Variants in NUP88 observed in about 807,000 individuals in gnomAD.
The protein encoded by NUP88 is nucleoporin 88, also known as nuclear pore complex protein Nup88.
A neutral mutation model predicts 93.9 loss-of-function variants in NUP88; 57 were observed. The observed-to-expected ratio is 0.61, with a 90% confidence interval of 0.49 to 0.76. NUP88 has a LOEUF of 0.76. Ranked by LOEUF, NUP88 falls within the 30% of genes least tolerant of loss-of-function variation. The pLI, the probability that NUP88 is intolerant of heterozygous loss-of-function variation, is 0.00. For synonymous variants in NUP88, 346 were observed against 336.8 expected (o/e 1.03, Z -0.30); for missense variants, 911 against 901.0 (o/e 1.01, Z -0.14).
At chr17:5,413,408 G>A (rs1014886102) in intron 3 of NUP88, among the ~76,000 whole-genome samples, 2 of 152,214 alleles carry the variant, frequency 1.3e-5, no homozygotes, top group Non-Finnish European at 2.9e-5. Context: ...GTTAAAAGCA[G>A]TGATTACGAA....
chr17:5,416,729 T>G, intron 1 of NUP88, 47 bp from the exon 2 acceptor site: 1 of 1,460,424 alleles, frequency 6.8e-7, no homozygotes, highest in Non-Finnish European at 9.3e-7. Flanking sequence ...TTAATTTAAA[T>G]ATAGGTGGCA....
At chr17:5,397,947 G>T (rs376637763) in intron 8 of NUP88, among the ~76,000 whole-genome samples, 1 of 146,652 alleles carries the variant, frequency 6.8e-6, no homozygotes, top group African/African-American at 2.5e-5. Context: ...CTGTCACCCA[G>T]GCTGGAGTGC....
At chr17:5,399,996 C>T (rs925874365) in intron 7 of NUP88, among the ~76,000 whole-genome samples, 6 of 151,656 alleles carry the variant, frequency 4.0e-5, no homozygotes, top group African/African-American at 1.5e-4. Context: ...CTAGTAGGTA[C>T]GCAATAGTGT....
chr17:5,414,437 T>G (rs1314702546), intron 2 of NUP88, among the ~76,000 whole-genome samples: 5 of 151,924 alleles, frequency 3.3e-5, no homozygotes, highest in Admixed American at 2.0e-4. Flanking sequence ...TCAGGTGATC[T>G]GCCCACCTCG....
chr17:5,410,760 G>A lies in NUP88; in HGVS notation c.623C>T (p.Pro208Leu). Residue 208 changes from proline (P) to leucine (L), a missense_variant, in exon 4 of 17, where the codon CCC becomes CTC. Transcript: ENST00000573584. ...RIYSLREPQT[P>L]TNVIILSEAE... ...TTCTGAAAGTATTATCACGTTAGTG[G>A]GTGTCTGCGGCTCACGTAGTGAGTA... The A allele has an allele frequency of 6.2e-7, 1 of 1,612,422 alleles. No individual in the cohort carries two copies. The highest frequency in any genetic ancestry group is 8.5e-7 in the Non-Finnish European group (1 of 1,178,810).
intron 1 of NUP88, 125 bp downstream of exon 1, chr17:5,419,229 G>A (rs967195538): frequency 3.9e-5 from 44 of 1,124,082 alleles, no homozygotes; most frequent in Non-Finnish European, 4.9e-5. Context: ...ACCGCGTATG[G>A]CAGCGTCGGA....
chr17:5,418,295 C>T (rs1914316519), intron 1 of NUP88: 1 of 151,992 alleles, frequency 6.6e-6, no homozygotes, highest in Non-Finnish European at 1.5e-5. Flanking sequence ...GCTCTGTTGC[C>T]CAGGCTGTAG....
At chr17:5,408,705 T>C in intron 5 of NUP88, 28 bp downstream of exon 5, 1 of 1,545,452 alleles carries the variant, frequency 6.5e-7, no homozygotes, top group East Asian at 2.3e-5. Flanking sequence ...TGAGTTTTCA[T>C]TTCAGGTGGG....
chr17:5,397,897 A>G (rs1912878253), intron 8 of NUP88, among the ~76,000 whole-genome samples: 2 of 151,212 alleles, frequency 1.3e-5, no homozygotes, highest in Admixed American at 1.3e-4. Context: ...TCTTTTTTTT[A>G]ATTTATTTTT....
chr17:5,396,670 A>G (rs889518891), intron 8 of NUP88, among the ~76,000 whole-genome samples: 6 of 152,246 alleles, frequency 3.9e-5, no homozygotes, highest in African/African-American at 1.4e-4. Flanking sequence ...TATCAGGTAC[A>G]TGGTAACTCT....
rs764886947 is a variant in NUP88, at chr17:5,386,657, G to A, written c.2162+51C>T. 3.2e-6 allele frequency: 4 copies of A among 1,247,340 alleles called. No individual in the cohort carries two copies. The South Asian group carries it at 4.8e-5, about 15-fold the overall frequency. The allele number at this position is 1,247,340 out of a possible 1,614,324, so 77.3% of individuals were successfully genotyped here. On this transcript the variant is annotated intron_variant, in intron 16 of 16. Coordinates refer to ENST00000573584, the MANE Select transcript of NUP88 (RefSeq NM_002532.6). ...TAAGACAGGTTGATTCTGGCATACT[G>A]TAAAGGAAAAACTATCTCACGATAA...
chr17:5,416,626 T>A lies in NUP88; in HGVS notation c.354A>T (p.Pro118=). Residue 118 remains proline, a synonymous_variant, in exon 2 of 17, where the codon CCA becomes CCT. Transcript: ENST00000573584. ...CTATAAGTGCTACATGATGTTGTGT[T>A]GGGCTTAACAAGACTTGATAGATTT... ...LFEIYQVLLS[P]TQHHVALIGI... 6.2e-7 allele frequency: 1 copy of A among 1,612,766 alleles called. No homozygotes were observed. Among genetic ancestry groups the A allele is most frequent in the African/African-American group, 1.3e-5 (1 of 75,040 alleles).
rs1407592090 is a variant in NUP88 at position 5,388,718 on chromosome 17, CAG to C, written c.1643+82_1643+83del. ...TTATCACAGTAAAAAGTATATGAAA[CAG>C]ATGAGGACAGAAAGGATGCACAGTA... On this transcript the variant is annotated intron_variant, in intron 11 of 16. Transcript: ENST00000573584. 2.5e-6 allele frequency: 3 copies of C among 1,216,860 alleles called. No homozygotes were observed. In the Admixed American group the frequency reaches 7.2e-5, roughly 29 times the overall value. The allele number at this position is 1,216,860 out of a possible 1,614,324, so 75.4% of individuals were successfully genotyped here. A position where few individuals can be genotyped will look rare whatever the true frequency, so the allele number is the denominator to read the frequency against.
chr17:5,400,560 T>A (rs531131176), intron 7 of NUP88, among the ~76,000 whole-genome samples: 41 of 152,152 alleles, frequency 2.7e-4, no homozygotes, highest in African/African-American at 9.4e-4. Flanking sequence ...ACAATGAGGT[T>A]CACCAAAACA....
In NUP88 at chr17:5,391,600, C is replaced by G. The variant is rs1305165669; in HGVS notation, c.1445G>C (p.Cys482Ser). ...VPDILGPTMICITSTYECLIW... is the reference protein window; with the variant it reads ...VPDILGPTMISITSTYECLIW... ...GAGGCATTCATAGGTACTGGTGATG[C>G]AGATCATCGTGGGTCCCAGAATGTC... Residue 482 changes from cysteine to serine, a missense_variant, in exon 10 of 17, where the codon TGC becomes TCC. Cys to Ser is a moderately radical substitution (Grantham distance 112). Transcript: ENST00000573584. 6.2e-7 allele frequency: 1 copy of G among 1,614,112 alleles called. No homozygotes were observed. Among genetic ancestry groups the G allele is most frequent in the Admixed American group, 1.7e-5 (1 of 60,018 alleles).
At chr17:5,408,966 G>A in intron 4 of NUP88, 57 bp from the exon 5 acceptor site, 9 of 1,438,894 alleles carry the variant, frequency 6.3e-6, no homozygotes, top group South Asian at 2.9e-5. Context: ...AAAGTAAAAA[G>A]AAAAACAAAA....
intron 8 of NUP88, among the ~76,000 whole-genome samples, chr17:5,395,969 C>T (rs761751978): frequency 3.3e-5 from 5 of 152,192 alleles, no homozygotes; most frequent in South Asian, 4.2e-4. Context: ...CCAGCACTTT[C>T]GGAGGCCAAG....
chr17:5,387,153 T>G, intron 14 of NUP88, 43 bp from the exon 15 acceptor site: 3 of 1,594,378 alleles, frequency 1.9e-6, no homozygotes, highest in African/African-American at 1.4e-5. Context: ...AGGTCTCTAC[T>G]AATTAGGAGA....
intron 2 of NUP88, among the ~76,000 whole-genome samples, chr17:5,414,407 C>T (rs1914018881): frequency 6.6e-6 from 1 of 151,960 alleles, no homozygotes; most frequent in Non-Finnish European, 1.5e-5. Context: ...GTTGGTCAGG[C>T]TGGTCTCAAA....
Sources: allele counts gnomAD v4.1 joint callset (sites outside exome capture counted in the v4.1 genomes callset), GRCh38; gene constraint gnomAD v4.1.1; transcripts MANE v1.5; gene names NCBI Gene and HGNC (gene_info 2026-07-23, HGNC 2026-07-21).